The following CADPS variants were observed in gnomAD, a reference collection of about 807,000 sequenced individuals.
The protein encoded by CADPS is calcium-dependent secretion activator 1.
In CADPS, 57 loss-of-function variants were observed where a neutral mutation model predicts 167.3. The observed-to-expected ratio is 0.34, with a 90% CI of 0.28 to 0.42. The LOEUF (loss-of-function observed/expected upper bound fraction) is 0.42. Ranked by LOEUF, CADPS falls within the 20% of genes least tolerant of loss-of-function variation. CADPS has a pLI of 1.00. For synonymous variants in CADPS, 676 were observed against 635.3 expected (o/e 1.06, Z -0.96); for missense variants, 1,414 against 1,738.1 (o/e 0.81, Z 3.32).
intron 7 of CADPS, among the ~76,000 whole-genome samples, chr3:62,591,956 A>G (rs1055756062): frequency 6.6e-6 from 1 of 152,204 alleles, no homozygotes; most frequent in Admixed American, 6.5e-5. Flanking sequence ...TCTGTTTATA[A>G]TGAACTACGT....
chr3:62,483,019 C>T (rs1041587140), intron 21 of CADPS, among the ~76,000 whole-genome samples: 5 of 151,986 alleles, frequency 3.3e-5, no homozygotes, highest in East Asian at 1.9e-4. Flanking sequence ...GTGTCATACA[C>T]GGCTCCTCAA....
At chr3:62,615,447 C>T (rs973120109) in intron 6 of CADPS, among the ~76,000 whole-genome samples, 8 of 152,242 alleles carry the variant, frequency 5.3e-5, no homozygotes, top group African/African-American at 1.9e-4. Context: ...TCTGAATCAG[C>T]GACTGTGTTA....
chr3:62,654,600 G>A (rs1384065123), intron 4 of CADPS, among the ~76,000 whole-genome samples: 8 of 152,148 alleles, frequency 5.3e-5, no homozygotes, highest in Admixed American at 3.9e-4. Flanking sequence ...AGAGTGAAGG[G>A]AAGAGTGAGG....
chr3:62,795,987 G>A (rs2093378235), intron 1 of CADPS: 1 of 152,284 alleles, frequency 6.6e-6, no homozygotes, highest in African/African-American at 2.4e-5. Flanking sequence ...TAAGTGTGAG[G>A]AAGGGATGGC....
At chr3:62,756,878 G>T (rs2084052194) in intron 2 of CADPS, among the ~76,000 whole-genome samples, 1 of 152,154 alleles carries the variant, frequency 6.6e-6, no homozygotes, top group African/African-American at 2.4e-5. Context: ...AGGGGCCAGA[G>T]AGTCCAGGGA....
At position 62,399,791 on chromosome 3, in the gene CADPS, C is replaced by T. The variant is rs765362172; in HGVS notation, c.3883-206G>A. 9.9e-5 allele frequency among the ~76,000 whole-genome samples: 15 copies of T among 152,162 alleles called. No homozygotes were observed. Among genetic ancestry groups the T allele is most frequent in the Non-Finnish European group, 2.2e-4 (15 of 68,046 alleles). ...AATGACAGAAAATGAGAAATAGTGA[C>T]AGGATAAACTATATTAGATGAGACA... On this transcript the variant is annotated intron_variant, in intron 29 of 29. Transcript: ENST00000383710. This position sits in a 1 kb window ranked among gnomAD's most constrained non-coding sequence, Gnocchi z 5.6.
intron 13 of CADPS, chr3:62,530,748 G>C (rs141924743): frequency 1.0e-5 from 13 of 1,288,890 alleles, no homozygotes; most frequent in Non-Finnish European, 1.3e-5. Context: ...GGTGGGGAGG[G>C]AGTTTTGCTC....
intron 28 of CADPS, among the ~76,000 whole-genome samples, chr3:62,411,757 T>C (rs1439872181): frequency 2.0e-5 from 3 of 152,222 alleles, no homozygotes; most frequent in Middle Eastern, 3.2e-3. Context: ...AAGCCGTCTA[T>C]GCCAAGTGGG....
At chr3:62,709,841 C>T (rs770928875) in intron 3 of CADPS, among the ~76,000 whole-genome samples, 25 of 151,928 alleles carry the variant, frequency 1.6e-4, no homozygotes, top group Non-Finnish European at 1.2e-4. Flanking sequence ...GTAATCTCGG[C>T]TCACTGCAAC....
intron 26 of CADPS, among the ~76,000 whole-genome samples, chr3:62,456,582 A>G (rs1429428277): frequency 6.6e-6 from 1 of 152,138 alleles, no homozygotes; most frequent in Non-Finnish European, 1.5e-5. Flanking sequence ...AATTAGAAAA[A>G]TAATAACCCT....
intron 1 of CADPS, among the ~76,000 whole-genome samples, chr3:62,786,721 A>T (rs2092469870): frequency 6.6e-6 from 1 of 152,120 alleles, no homozygotes; most frequent in Non-Finnish European, 1.5e-5. Flanking sequence ...CATCTTATAA[A>T]CTTAATTAAT....
At chr3:62,651,112 G>A (rs1254904479) in intron 4 of CADPS, 32 bp from the exon 5 acceptor site, 2 of 1,451,384 alleles carry the variant, frequency 1.4e-6, no homozygotes, top group Admixed American at 1.7e-5. Context: ...ATGAGCAGAG[G>A]AGAAAATAGA....
chr3:62,863,541 T>C (rs937618085), intron 1 of CADPS, among the ~76,000 whole-genome samples: 1 of 152,166 alleles, frequency 6.6e-6, no homozygotes, highest in African/African-American at 2.4e-5. Flanking sequence ...GCAATGACAC[T>C]GAGGCTCACA....
chr3:62,650,212 G>GGTAGGATCTGGGTGGTACCTAC (rs1419099619), intron 5 of CADPS, among the ~76,000 whole-genome samples: 3 of 152,182 alleles, frequency 2.0e-5, no homozygotes, highest in African/African-American at 7.2e-5. Context: ...TCCTAGCTCA[G>GGTAGGATCTGGGTGGTACCTAC]TAGATCTGGG....
At chr3:62,678,087 T>C (rs1328530707) in intron 3 of CADPS, among the ~76,000 whole-genome samples, 1 of 152,028 alleles carries the variant, frequency 6.6e-6, no homozygotes, top group Admixed American at 6.6e-5. Flanking sequence ...TTCACTATCT[T>C]CTAACACTCT....
At chr3:62,719,433 G>A (rs1376150217) in intron 3 of CADPS, among the ~76,000 whole-genome samples, 1 of 152,130 alleles carries the variant, frequency 6.6e-6, no homozygotes, top group Non-Finnish European at 1.5e-5. Flanking sequence ...ATCAGATTCC[G>A]TCACAGAGCT....
chr3:62,648,691 C>CCAAAAAAAA (rs776718557), intron 5 of CADPS, among the ~76,000 whole-genome samples: 27 of 54,550 alleles, frequency 4.9e-4, no homozygotes, highest in African/African-American at 1.2e-3. Flanking sequence ...GACGTTGTGT[C>CCAAAAAAAA]AAAAAAAAAA....
chr3:62,594,334 T>C (rs966411746), intron 6 of CADPS, among the ~76,000 whole-genome samples: 2 of 151,520 alleles, frequency 1.3e-5, no homozygotes, highest in Non-Finnish European at 2.9e-5. Context: ...GCTAATTTTT[T>C]GTATTTTTAG....
At chr3:62,532,764 C>A in intron 13 of CADPS, 107 bp downstream of exon 13, 3 of 851,236 alleles carry the variant, frequency 3.5e-6, no homozygotes, top group Non-Finnish European at 5.6e-6. Context: ...TGTGCACATA[C>A]CACCGAAGGA....
Sources: allele counts gnomAD v4.1 joint callset (sites outside exome capture counted in the v4.1 genomes callset), GRCh38; gene constraint gnomAD v4.1.1; non-coding constraint Gnocchi (gnomAD v3.1); transcripts MANE v1.5; gene names NCBI Gene and HGNC (gene_info 2026-07-23, HGNC 2026-07-21).